The following HHIPL2 variants were observed in gnomAD, a reference collection of about 807,000 sequenced individuals.
HHIPL2 encodes the protein HHIP-like protein 2.
Under a neutral mutation model 61.0 loss-of-function variants are expected in HHIPL2, and 61 were observed. The observed-to-expected ratio is 1.00, with a 90% confidence interval of 0.81 to 1.24. HHIPL2 has a LOEUF of 1.24. Among genes scored for constraint, HHIPL2 ranks in the 50% most tolerant of loss-of-function variants. HHIPL2 has a pLI of 0.00. For synonymous variants in HHIPL2, 343 were observed against 357.4 expected (o/e 0.96, Z 0.45); for missense variants, 885 against 910.2 (o/e 0.97, Z 0.36).
At chr1:222,545,972 G>A (rs1485820948) in intron 1 of HHIPL2, among the ~76,000 whole-genome samples, 1 of 152,040 alleles carries the variant, frequency 6.6e-6, no homozygotes, top group Non-Finnish European at 1.5e-5. Flanking sequence ...TTGAAGCCGG[G>A]AGGCAGAGGT....
Position 222,540,305 on chromosome 1 carries a change from C to T in HHIPL2, c.1155G>A (p.Val385=). The T allele has an allele frequency of 6.2e-7, 1 of 1,611,368 alleles. No individual in the cohort carries two copies. Among genetic ancestry groups the T allele is most frequent in the Non-Finnish European group, 8.5e-7 (1 of 1,178,622 alleles). ...SLLGKVLRID[V]NRAGSHGKRY... is the part of the protein sequence containing the mutation. Reference sequence around the variant, plus strand: ...GCTTGCCATGTGAGCCTGCCCTGTTCACATCGATCCTTAAAACTTTTCCCA... The same window carrying T: ...GCTTGCCATGTGAGCCTGCCCTGTTTACATCGATCCTTAAAACTTTTCCCA... The change falls in exon 4 of 9, where the codon GTG becomes GTA. Residue 385 remains valine, a synonymous_variant. Transcript: ENST00000343410.
intron 6 of HHIPL2, among the ~76,000 whole-genome samples, chr1:222,531,204 G>C (rs2102613101): frequency 2.6e-5 from 4 of 152,224 alleles, no homozygotes; most frequent in Non-Finnish European, 5.9e-5. Flanking sequence ...TTTTCTCACA[G>C]ACTCTTGGCA....
intron 7 of HHIPL2, chr1:222,523,965 G>T: frequency 2.2e-6 from 1 of 445,000 alleles, no homozygotes; most frequent in South Asian, 2.8e-5. Context: ...TTCACATCCT[G>T]GTAACCAGGG....
At position 222,540,124 on chromosome 1, in the gene HHIPL2, C is replaced by T; in HGVS notation, c.1336G>A (p.Gly446Ser). The T allele has an allele frequency of 6.2e-7, 1 of 1,614,274 alleles. No homozygotes were observed. ...TCAACCTCTTCAAACCTGTTCTGGC[C>T]CACGTCCCCACAGAATATCCGGCCT... is the stretch of plus-strand genomic sequence containing the variant. ...GRGRIFCGDV[G>S]QNRFEEVDLI... Residue 446 changes from glycine (G) to serine (S), a missense_variant, in exon 4 of 9, where the codon GGC becomes AGC. Gly to Ser is a moderately conservative substitution (Grantham distance 56). Coordinates refer to ENST00000343410, the MANE Select transcript of HHIPL2 (RefSeq NM_024746.4).
In HHIPL2 at chr1:222,543,800, C is replaced by A. The variant is rs1659491953; in HGVS notation, c.711G>T (p.Gln237His). ...GGAGGTAGACCCACACCACTCCTAC[C>A]TGCTCGGCAACAAAGAAGCGATGGG... ...DGTHRFFVAEQVGVVWVYLPD... is the reference protein window; with the variant it reads ...DGTHRFFVAEHVGVVWVYLPD... The change falls in exon 2 of 9, where the codon CAG (glutamine) becomes CAT (histidine). Residue 237 changes from glutamine (Q) to histidine (H), a missense_variant. Transcript: ENST00000343410. 1 of 1,614,010 alleles carries A rather than the reference C, an allele frequency of 6.2e-7. No individual in the cohort carries two copies. Among genetic ancestry groups the A allele is most frequent in the South Asian group, 1.1e-5 (1 of 91,082 alleles).
At chr1:222,539,691 T>C (rs1176617231) in intron 4 of HHIPL2, among the ~76,000 whole-genome samples, 2 of 152,108 alleles carry the variant, frequency 1.3e-5, no homozygotes, top group African/African-American at 2.4e-5. Flanking sequence ...CTCAAAATAA[T>C]ATGCCTAAAA....
intron 7 of HHIPL2, among the ~76,000 whole-genome samples, chr1:222,525,732 C>T (rs1168165551): frequency 1.3e-5 from 2 of 152,170 alleles, no homozygotes; most frequent in Non-Finnish European, 2.9e-5. Flanking sequence ...TGCATGGTGG[C>T]ACACACCTGT....
At chr1:222,538,960 G>T in intron 4 of HHIPL2, 186 bp from the exon 5 acceptor site, 1 of 543,934 alleles carries the variant, frequency 1.8e-6, no homozygotes, top group South Asian at 3.3e-5. Flanking sequence ...CACAATATTT[G>T]CAAACTTCCT....
intron 5 of HHIPL2, among the ~76,000 whole-genome samples, chr1:222,532,334 C>T (rs1054869309): frequency 3.3e-5 from 5 of 152,140 alleles, no homozygotes; most frequent in South Asian, 2.1e-4. Flanking sequence ...GGAGTTTGGA[C>T]GAGGCCCAGT....
At position 222,547,938 on chromosome 1, in the gene HHIPL2, A is replaced by C. The variant is rs746498553; in HGVS notation, c.107T>G (p.Val36Gly). 1 of 1,613,092 alleles carries C rather than the reference A, an allele frequency of 6.2e-7. No individual in the cohort carries two copies. Among genetic ancestry groups the C allele is most frequent in the South Asian group, 1.1e-5 (1 of 90,994 alleles). Residue 36 changes from valine (V) to glycine (G), a missense_variant, in exon 1 of 9, where the codon GTG becomes GGG. Physicochemically the swap from Val to Gly is moderately radical, Grantham distance 109. Coordinates refer to ENST00000343410, the MANE Select transcript of HHIPL2 (RefSeq NM_024746.4). Reference protein sequence around the residue: ...CLCLIFLLGQVGLLQGHPQCL... With the variant: ...CLCLIFLLGQGGLLQGHPQCL... ...CTGGGGGTGTCCCTGCAGCAAGCCC[A>C]CCTGGCCCAACAAGAATATGAGGCA...
chr1:222,527,425 C>A (rs1471772124), intron 6 of HHIPL2, among the ~76,000 whole-genome samples: 2 of 152,176 alleles, frequency 1.3e-5, no homozygotes, highest in Non-Finnish European at 2.9e-5. Flanking sequence ...ATACAGTCTG[C>A]AGGCTGAGGA....
intron 3 of HHIPL2, among the ~76,000 whole-genome samples, chr1:222,540,750 A>G (rs1659415221): frequency 6.6e-6 from 1 of 152,234 alleles, no homozygotes; most frequent in African/African-American, 2.4e-5. Flanking sequence ...TGGTCAGTTA[A>G]AAGAACAGAA....
intron 1 of HHIPL2, among the ~76,000 whole-genome samples, chr1:222,547,240 C>G (rs1659573449): frequency 6.6e-6 from 1 of 152,156 alleles, no homozygotes. Context: ...AGTCTCCAAC[C>G]CCTGCCACCG....
intron 5 of HHIPL2, among the ~76,000 whole-genome samples, chr1:222,535,827 T>C (rs1659289288): frequency 1.3e-5 from 2 of 151,912 alleles, no homozygotes; most frequent in Non-Finnish European, 2.9e-5. Flanking sequence ...AAATCTAAAA[T>C]AGAAATCAAT....
intron 8 of HHIPL2, 105 bp from the exon 9 acceptor site, chr1:222,522,992 A>AAAG: frequency 1.1e-6 from 1 of 912,832 alleles, no homozygotes; most frequent in Non-Finnish European, 1.6e-6. Context: ...TATTCTTATT[A>AAAG]ATACTTTTAA....
At position 222,540,075 on chromosome 1, in the gene HHIPL2, T is replaced by C. The variant is rs1659396907; in HGVS notation, c.1385A>G (p.Tyr462Cys). 1 of 1,614,272 alleles carries C rather than the reference T, an allele frequency of 6.2e-7. No homozygotes were observed. Among genetic ancestry groups the C allele is most frequent in the African/African-American group, 1.3e-5 (1 of 75,068 alleles). ...AAACCCTTCCTTTGCTCTCCAGCCA[T>C]AGTTTCCACCTTTCAAAATGAGGTC... ...EVDLILKGGNYGWRAKEGFAC... is the reference protein window; with the variant it reads ...EVDLILKGGNCGWRAKEGFAC... The change falls in exon 4 of 9, where the codon TAT becomes TGT. Residue 462 changes from tyrosine (Y) to cysteine (C), a missense_variant. Tyr to Cys is a radical substitution (Grantham distance 194). Coordinates refer to ENST00000343410, the MANE Select transcript of HHIPL2 (RefSeq NM_024746.4).
At chr1:222,530,245 G>A (rs1485350491) in intron 6 of HHIPL2, among the ~76,000 whole-genome samples, 1 of 152,080 alleles carries the variant, frequency 6.6e-6, no homozygotes, top group Non-Finnish European at 1.5e-5. Context: ...CAGGTTCTCT[G>A]TGGCCTCCTG....
At chr1:222,533,851 C>T (rs530770032) in intron 5 of HHIPL2, among the ~76,000 whole-genome samples, 1 of 152,236 alleles carries the variant, frequency 6.6e-6, no homozygotes, top group East Asian at 1.9e-4. Flanking sequence ...AAGACCAATG[C>T]AGTAAGAGAT....
chr1:222,523,823 A>C, intron 7 of HHIPL2, 129 bp from the exon 8 acceptor site: 1 of 781,560 alleles, frequency 1.3e-6, no homozygotes, highest in South Asian at 1.6e-5. Flanking sequence ...GATGGGGTAG[A>C]TGTAACAGGA....
Sources: allele counts gnomAD v4.1 joint callset (sites outside exome capture counted in the v4.1 genomes callset), GRCh38; gene constraint gnomAD v4.1.1; transcripts MANE v1.5; gene names NCBI Gene and HGNC (gene_info 2026-07-23, HGNC 2026-07-21).